The following FHL2 variants were observed in gnomAD, a reference collection of about 807,000 sequenced individuals.
FHL2 encodes four and a half LIM domains 2, also known as four and a half LIM domains protein 2.
FHL2 carries 20 observed loss-of-function variants against 32.7 expected under a neutral mutation model. That is an observed-to-expected ratio of 0.61 (90% CI 0.43 to 0.89). The LOEUF (loss-of-function observed/expected upper bound fraction) is 0.89, where lower values mean the gene tolerates loss of function less well. Ranked by LOEUF, FHL2 falls within the 40% of genes least tolerant of loss-of-function variation. The pLI is 0.00. For missense variants in FHL2, 311 were observed against 358.6 expected (o/e 0.87, Z 1.07); for synonymous variants, 123 against 128.1 (o/e 0.96, Z 0.27).
chr2:105,410,070 G>C (rs1345944519), intron 1 of FHL2, among the ~76,000 whole-genome samples: 1 of 152,220 alleles, frequency 6.6e-6, no homozygotes, highest in Non-Finnish European at 1.5e-5. Context: ...CATCCAGAAG[G>C]CTGGACCCAG....
At position 105,396,670 on chromosome 2, in the gene FHL2, G is replaced by A. The variant is rs1372387107; in HGVS notation, c.-48C>T. 2.5e-6 allele frequency: 4 copies of A among 1,612,688 alleles called. No homozygotes were observed. The African/African-American group carries it at 5.3e-5, about 22-fold the overall frequency. On this transcript the variant is annotated 5_prime_UTR_variant, in exon 2 of 7. Transcript: ENST00000530340. ...ACCCCAAAGTCAAAATGCCAGCCTAGTCTCCAGGAAGACACAGTTCTCAGC... is the reference window on the plus strand; with the variant it reads ...ACCCCAAAGTCAAAATGCCAGCCTAATCTCCAGGAAGACACAGTTCTCAGC...
chr2:105,363,122 G>C, intron 6 of FHL2, 163 bp downstream of exon 6: 1 of 636,012 alleles, frequency 1.6e-6, no homozygotes, highest in Non-Finnish European at 2.8e-6. Flanking sequence ...AGCATAGCCA[G>C]TGCACCAAGG....
chr2:105,422,128 T>C (rs997378149), intron 1 of FHL2, among the ~76,000 whole-genome samples: 2 of 152,174 alleles, frequency 1.3e-5, no homozygotes, highest in Non-Finnish European at 1.5e-5. Context: ...CTTGGCCGCG[T>C]TGTGGACCAG....
In FHL2 at chr2:105,433,182, C is replaced by CT. The variant is rs758782839; in HGVS notation, c.-25+5216dup. Among the ~76,000 whole-genome samples, 721 of 102,580 alleles carry CT rather than the reference C, an allele frequency of 7.0e-3. 3 individuals are homozygous for CT. Among genetic ancestry groups the CT allele is most frequent in the African/African-American group, 0.017 (394 of 23,496 alleles). The allele number at this position is 102,580 out of a possible 152,430, so 67.3% of individuals were successfully genotyped here. On this transcript the variant is annotated intron_variant, in intron 1 of 5. Coordinates refer to the FHL2 transcript ENST00000393352. ...CAAAGTCCTCATTCTTCTTCTTCTT[C>CT]TTTTTTTTTTTTTTTTGAGAAGGAG...
chr2:105,363,366 G>A lies in FHL2; in HGVS notation c.607C>T (p.Arg203Cys), dbSNP rs1050970163. ...TTCAGGCAGTAGGCAAAGTCATCGC[G>A]AGCTGTGAAGCGCTGCCCAGACAGC... The part of the protein sequence containing the change: ...KQLSGQRFTA[R>C]DDFAYCLNCF... Residue 203 changes from arginine to cysteine, a missense_variant, in exon 6 of 7, where the codon CGC becomes TGC. Arg to Cys is a radical substitution (Grantham distance 180, BLOSUM62 -3). Coordinates refer to ENST00000530340, the MANE Select transcript of FHL2 (RefSeq NM_001318895.3). The A allele has an allele frequency of 9.9e-6, 16 of 1,614,182 alleles. No individual in the cohort carries two copies. Among genetic ancestry groups the A allele is most frequent in the Admixed American group, 1.7e-5 (1 of 60,022 alleles).
intron 1 of FHL2, among the ~76,000 whole-genome samples, chr2:105,434,781 A>C (rs11676660): frequency 6.6e-6 from 1 of 151,678 alleles, no homozygotes; most frequent in Non-Finnish European, 1.5e-5. Context: ...ATAAATTTCA[A>C]CTTTTTTTTT....
intron 4 of FHL2, 31 bp downstream of exon 4, chr2:105,373,528 G>T: frequency 6.2e-7 from 1 of 1,612,990 alleles, no homozygotes; most frequent in Non-Finnish European, 8.5e-7. Flanking sequence ...AGCTAGACTG[G>T]CTCACGCATG....
At chr2:105,375,662 C>T (rs185534657) in intron 3 of FHL2, 2 of 152,338 alleles carry the variant, frequency 1.3e-5, no homozygotes, top group Admixed American at 1.3e-4. Flanking sequence ...CAAAGCTGGA[C>T]TAAATGCCCT....
intron 3 of FHL2, among the ~76,000 whole-genome samples, chr2:105,382,446 C>G (rs540001452): frequency 1.3e-5 from 2 of 152,248 alleles, no homozygotes; most frequent in South Asian, 4.1e-4. Flanking sequence ...ACCTCGGATA[C>G]TTCCTAATCC....
In FHL2 at chr2:105,436,561, TAC is replaced by T. The variant is rs535159146; in HGVS notation, c.-25+1836_-25+1837del. ...ATTAGCAAATAACTTGATTTATATATACATATATATATGTTTTGTTAATTATT... is the reference window on the plus strand; with the variant it reads ...ATTAGCAAATAACTTGATTTATATATATATATATATGTTTTGTTAATTATT... On this transcript the variant is annotated intron_variant, in intron 1 of 5. Transcript: ENST00000393352. 3.9e-3 allele frequency among the ~76,000 whole-genome samples: 592 copies of T among 152,206 alleles called. 2 individuals carry two copies. Among genetic ancestry groups the T allele is most frequent in the African/African-American group, 0.014 (564 of 41,546 alleles).
At chr2:105,386,339 C>T (rs372712473) in intron 3 of FHL2, 22 bp downstream of exon 3, 15 of 1,610,178 alleles carry the variant, frequency 9.3e-6, no homozygotes, top group Non-Finnish European at 1.2e-5. Context: ...GCCGGGGACC[C>T]GCAGAGGCCC....
chr2:105,390,840 A>G (rs1197020207), intron 2 of FHL2, among the ~76,000 whole-genome samples: 1 of 149,096 alleles, frequency 6.7e-6, no homozygotes, highest in East Asian at 2.0e-4. Context: ...TGTGTCACCC[A>G]GGCTGGAGTG....
chr2:105,420,408 C>A (rs1684064728), intron 1 of FHL2, among the ~76,000 whole-genome samples: 1 of 152,186 alleles, frequency 6.6e-6, no homozygotes, highest in African/African-American at 2.4e-5. Flanking sequence ...ACCCTAATGA[C>A]CTCCTCTTAA....
chr2:105,404,158 A>G (rs943012945), upstream of FHL2, among the ~76,000 whole-genome samples: 4 of 152,206 alleles, frequency 2.6e-5, no homozygotes, highest in Non-Finnish European at 5.9e-5. Flanking sequence ...AGACCGCCCT[A>G]TGTTCGTTAC....
chr2:105,402,861 G>C (rs571694550), upstream of FHL2, among the ~76,000 whole-genome samples: 13 of 152,356 alleles, frequency 8.5e-5, no homozygotes, highest in South Asian at 2.7e-3. Context: ...ATAAATATGT[G>C]TATTGAATAA....
At chr2:105,370,266 G>A (rs1287062367) in intron 4 of FHL2, among the ~76,000 whole-genome samples, 5 of 151,902 alleles carry the variant, frequency 3.3e-5, no homozygotes, top group African/African-American at 9.7e-5. Flanking sequence ...TCCTAGACAC[G>A]TAGGAGGCTG....
chr2:105,372,806 C>T (rs1681181837), intron 4 of FHL2, among the ~76,000 whole-genome samples: 1 of 152,182 alleles, frequency 6.6e-6, no homozygotes, highest in Non-Finnish European at 1.5e-5. Flanking sequence ...ATCCACCCAC[C>T]TCAGCCTCCC....
chr2:105,375,406 G>A (rs912049161), intron 3 of FHL2: 3 of 152,242 alleles, frequency 2.0e-5, no homozygotes, highest in East Asian at 1.9e-4. Context: ...GACGCAAGAC[G>A]ATAAAGAATG....
intron 4 of FHL2, among the ~76,000 whole-genome samples, chr2:105,370,160 C>T (rs1680929936): frequency 1.3e-5 from 2 of 152,058 alleles, no homozygotes; most frequent in Non-Finnish European, 2.9e-5. Flanking sequence ...ATCTCTTGAG[C>T]CCAGGAGTTG....
Sources: gnomAD v4.1 joint callset for allele counts (sites outside exome capture counted in the v4.1 genomes callset) on GRCh38, gnomAD v4.1.1 for gene constraint, MANE v1.5 for transcripts, NCBI Gene and HGNC (gene_info 2026-07-23, HGNC 2026-07-21) for gene names.